The following MAOA variants were observed in gnomAD, a reference collection of about 807,000 sequenced individuals.
The protein encoded by MAOA is monoamine oxidase A, also known as amine oxidase [flavin-containing] A.
A neutral mutation model predicts 42.0 loss-of-function variants in MAOA; 6 were observed. That is an observed-to-expected ratio of 0.14 (90% CI 0.08 to 0.28). The LOEUF is 0.28. Among genes scored for constraint, MAOA ranks in the 10% least tolerant of loss-of-function variants. The pLI is 1.00. For synonymous variants in MAOA, 140 were observed against 154.0 expected (o/e 0.91, Z 0.67); for missense variants, 262 against 422.3 (o/e 0.62, Z 3.33).
At chrX:43,732,916 TATA>T in intron 9 of MAOA, 121 bp downstream of exon 9, 1 of 545,490 alleles carries the variant, frequency 1.8e-6, no homozygotes, top group East Asian at 3.4e-5. Context: ...TATCAAAATA[TATA>T]ATGTTTCCAT....
rs780148935 is a variant in MAOA at position 43,693,378 on chromosome X, A to C, written c.256A>C (p.Ile86Leu). The change falls in exon 3 of 15, where the codon ATA (isoleucine) becomes CTA (leucine). Residue 86 changes from isoleucine to leucine, a missense_variant. Transcript: ENST00000338702. ...CTTACGCTTGTCTAAGGAGCTGGGCATAGAGACTTACAAAGTGAATGTCAG... is the reference window on the plus strand; with the variant it reads ...CTTACGCTTGTCTAAGGAGCTGGGCCTAGAGACTTACAAAGTGAATGTCAG... ...RILRLSKELG[I>L]ETYKVNVSER... 6.6e-6 allele frequency: 8 copies of C among 1,209,447 alleles called. No individual in the cohort carries two copies. The East Asian group carries it at 2.4e-4, about 36-fold the overall frequency.
At chrX:43,714,086 A>C (rs2033719296) in intron 5 of MAOA, among the ~76,000 whole-genome samples, 1 of 111,621 alleles carries the variant, frequency 9.0e-6, no homozygotes, top group Non-Finnish European at 1.9e-5. Flanking sequence ...AATGACACAC[A>C]GTGTCAAAGG....
At position 43,724,985 on chromosome X, in the gene MAOA, T is replaced by C. The variant is rs1352445115; in HGVS notation, c.504-3188T>C. Reference sequence around the variant, plus strand: ...CAGTTTCCAAGTAGTTGTGCGGTTTTGAGTGAGTTTCTTCATCCTGAGTTC... The same window carrying C: ...CAGTTTCCAAGTAGTTGTGCGGTTTCGAGTGAGTTTCTTCATCCTGAGTTC... On this transcript the variant is annotated intron_variant, in intron 5 of 14. Coordinates refer to ENST00000338702, the MANE Select transcript of MAOA (RefSeq NM_000240.4). Among the ~76,000 whole-genome samples, 3 of 112,105 alleles carry C rather than the reference T, an allele frequency of 2.7e-5. No individual in the cohort carries two copies. In the Admixed American group the frequency reaches 2.8e-4, roughly 11 times the overall value.
chrX:43,691,026 C>T (rs764689016), intron 2 of MAOA, among the ~76,000 whole-genome samples: 7 of 111,356 alleles, frequency 6.3e-5, no homozygotes, highest in African/African-American at 2.3e-4. Flanking sequence ...TTTGAAGAGA[C>T]CTATTAAAGA....
intron 10 of MAOA, among the ~76,000 whole-genome samples, chrX:43,738,279 A>T (rs2033935195): frequency 8.9e-6 from 1 of 112,254 alleles, no homozygotes; most frequent in Admixed American, 9.5e-5. Context: ...TTGTTTTAAC[A>T]TCCTTGCCTT....
At chrX:43,687,529 A>T (rs1185129441) in intron 2 of MAOA, among the ~76,000 whole-genome samples, 3 of 112,298 alleles carry the variant, frequency 2.7e-5, no homozygotes, top group Non-Finnish European at 1.9e-5. Context: ...AATAAACATT[A>T]TATGAGGGCA....
At chrX:43,715,518 T>C (rs1029104852) in intron 5 of MAOA, among the ~76,000 whole-genome samples, 1 of 109,439 alleles carries the variant, frequency 9.1e-6, no homozygotes, top group Non-Finnish European at 1.9e-5. Context: ...CCAAAAGAGA[T>C]GGGAGGAGAC....
intron 9 of MAOA, among the ~76,000 whole-genome samples, chrX:43,733,964 G>T (rs1261187262): frequency 9.0e-6 from 1 of 111,473 alleles, no homozygotes; most frequent in African/African-American, 3.3e-5. Flanking sequence ...TAGGTTGTTT[G>T]GGTAGTTTGA....
chrX:43,714,438 G>A (rs2033723271), intron 5 of MAOA, among the ~76,000 whole-genome samples: 3 of 110,731 alleles, frequency 2.7e-5, no homozygotes, highest in Admixed American at 9.6e-5. Context: ...GACAGAAAAG[G>A]TTGATGGTGT....
intron 2 of MAOA, among the ~76,000 whole-genome samples, chrX:43,684,170 C>T (rs1035770611): frequency 1.8e-5 from 2 of 111,924 alleles, no homozygotes; most frequent in Non-Finnish European, 3.8e-5. Flanking sequence ...AGAGATACTC[C>T]TCAGGTCGCG....
intron 2 of MAOA, among the ~76,000 whole-genome samples, chrX:43,692,042 C>T (rs201583370): frequency 0.05 from 5,429 of 107,882 alleles, 114 homozygotes; most frequent in Non-Finnish European, 0.064. Context: ...CACACACGCA[C>T]GCACACATCT....
intron 3 of MAOA, among the ~76,000 whole-genome samples, chrX:43,707,811 A>G (rs1487464067): frequency 8.9e-6 from 1 of 112,034 alleles, no homozygotes; most frequent in African/African-American, 3.2e-5. Context: ...TTTATTTTCC[A>G]GATGATTAAA....
chrX:43,729,811 T>C (rs1160876236), intron 6 of MAOA, among the ~76,000 whole-genome samples: 1 of 111,463 alleles, frequency 9.0e-6, no homozygotes, highest in Non-Finnish European at 1.9e-5. Context: ...TTGGTGTTGT[T>C]ATTAAAACAG....
intron 1 of MAOA, among the ~76,000 whole-genome samples, chrX:43,657,047 AAAAG>A (rs1335906075): frequency 1.2e-4 from 13 of 105,121 alleles, no homozygotes; most frequent in African/African-American, 4.5e-4. Context: ...GTTAAAAAAA[AAAAG>A]AGGAGAAGAG....
At chrX:43,691,294 G>T (rs956966528) in intron 2 of MAOA, among the ~76,000 whole-genome samples, 2 of 109,896 alleles carry the variant, frequency 1.8e-5, no homozygotes, top group Non-Finnish European at 3.8e-5. Context: ...AATTCATAGA[G>T]CCCAGGAAAG....
chrX:43,689,709 AGTATCTTT>A lies in MAOA; in HGVS notation c.169-3579_169-3572del, dbSNP rs1419591750. On this transcript the variant is annotated intron_variant, in intron 2 of 14. Transcript: ENST00000338702. The stretch of plus-strand genomic sequence containing the variant: ...GCTTAATTTTCTTTAAAGTTTTGCC[AGTATCTTT>A]GTTCACTGTCCATTCTTGAATCTCA... 8.9e-5 allele frequency among the ~76,000 whole-genome samples: 10 copies of A among 111,853 alleles called. 1 individual carries two copies. The highest frequency in any genetic ancestry group is 1.1e-4 in the Non-Finnish European group (6 of 53,160).
chrX:43,708,338 A>C (rs1461003584), intron 3 of MAOA, among the ~76,000 whole-genome samples: 1 of 111,238 alleles, frequency 9.0e-6, no homozygotes, highest in Non-Finnish European at 1.9e-5. Flanking sequence ...GGCATTCCTT[A>C]CTGAGAAGTG....
At chrX:43,716,042 G>T (rs2033741070) in intron 5 of MAOA, among the ~76,000 whole-genome samples, 1 of 110,469 alleles carries the variant, frequency 9.1e-6, no homozygotes, top group African/African-American at 3.3e-5. Flanking sequence ...GGGGTGACCT[G>T]AAGGGTAAAG....
intron 1 of MAOA, among the ~76,000 whole-genome samples, chrX:43,673,467 T>A (rs1177358283): frequency 7.3e-5 from 8 of 109,975 alleles, no homozygotes; most frequent in Non-Finnish European, 1.3e-4. Flanking sequence ...CTGATTTTAG[T>A]TATTTCTTGC....
Sources: allele counts gnomAD v4.1 joint callset (sites outside exome capture counted in the v4.1 genomes callset), GRCh38; gene constraint gnomAD v4.1.1; transcripts MANE v1.5; gene names NCBI Gene and HGNC (gene_info 2026-07-23, HGNC 2026-07-21).